Variants in ADCK1 observed in about 807,000 individuals in gnomAD.
ADCK1 encodes the protein aarF domain containing kinase 1.
ADCK1 carries 41 observed loss-of-function variants against 52.3 expected under a neutral mutation model. The observed-to-expected ratio is 0.78, with a 90% confidence interval of 0.61 to 1.02. The LOEUF (loss-of-function observed/expected upper bound fraction) is 1.02. ADCK1 is among the 50% of genes least tolerant of loss of function. The pLI is 0.00. For missense variants in ADCK1, 658 were observed against 679.5 expected, an observed-to-expected ratio of 0.97 and a Z score of 0.35; for synonymous variants, 250 against 274.6, an observed-to-expected ratio of 0.91 and a Z score of 0.89.
At position 77,931,542 on chromosome 14, in the gene ADCK1, G is replaced by A; in HGVS notation, c.1231G>A (p.Ala411Thr). Residue 411 changes from alanine (A) to threonine (T), a missense_variant, in exon 10 of 11, where the codon GCC becomes ACC. Physicochemically the swap from Ala to Thr is moderately conservative, Grantham distance 58 (BLOSUM62 0). Transcript: ENST00000238561. ...TEDLEIRNNAANYLPQISHLL... is the reference protein window; with the variant it reads ...TEDLEIRNNATNYLPQISHLL... The stretch of plus-strand genomic sequence containing the variant: ...GGACTTAGAGATTCGCAACAACGCG[G>A]CCAACTACCTCCCCCAGATCAGCCA... 1 of 1,613,722 alleles carries A rather than the reference G, an allele frequency of 6.2e-7. No homozygotes were observed. Among genetic ancestry groups the A allele is most frequent in the Non-Finnish European group, 8.5e-7 (1 of 1,179,808 alleles).
At chr14:77,810,452 T>G (rs1199156763) in intron 1 of ADCK1, among the ~76,000 whole-genome samples, 33 of 151,840 alleles carry the variant, frequency 2.2e-4, no homozygotes, top group Admixed American at 2.2e-3. Flanking sequence ...GTGGGTACTC[T>G]CAAGAGCTCC....
chr14:77,864,230 C>G (rs2082615007), intron 4 of ADCK1, among the ~76,000 whole-genome samples: 1 of 152,164 alleles, frequency 6.6e-6, no homozygotes, highest in Admixed American at 6.5e-5. Flanking sequence ...TAGAATAATT[C>G]ATATCCAGTT....
intron 7 of ADCK1, among the ~76,000 whole-genome samples, chr14:77,908,789 C>A (rs1046773330): frequency 2.6e-5 from 4 of 152,184 alleles, no homozygotes; most frequent in African/African-American, 9.7e-5. Flanking sequence ...GAGTCAGACA[C>A]ACATCTAAAT....
At chr14:77,932,450 A>G (rs573248617) in intron 10 of ADCK1, among the ~76,000 whole-genome samples, 38 of 152,156 alleles carry the variant, frequency 2.5e-4, no homozygotes, top group Non-Finnish European at 4.6e-4. Context: ...TTCAGGCTGT[A>G]TTACTGAGTG....
At chr14:77,893,937 T>C (rs866878001) in intron 5 of ADCK1, among the ~76,000 whole-genome samples, 2 of 152,256 alleles carry the variant, frequency 1.3e-5, no homozygotes, top group African/African-American at 4.8e-5. Flanking sequence ...TTTTGCCTTG[T>C]TGGCCAGGCT....
intron 3 of ADCK1, among the ~76,000 whole-genome samples, chr14:77,824,958 A>T (rs2081662065): frequency 7.2e-5 from 11 of 152,214 alleles, no homozygotes; most frequent in Admixed American, 7.2e-4. Flanking sequence ...TTTAATGGGA[A>T]ATACATTCAA....
At chr14:77,914,288 G>T in intron 7 of ADCK1, 2 of 441,138 alleles carry the variant, frequency 4.5e-6, no homozygotes, top group Non-Finnish European at 6.0e-6. Context: ...TTGTGGTGGG[G>T]TCTTTGCCTT....
intron 4 of ADCK1, among the ~76,000 whole-genome samples, chr14:77,878,315 C>T (rs2082943402): frequency 6.6e-6 from 1 of 152,238 alleles, no homozygotes; most frequent in Non-Finnish European, 1.5e-5. Flanking sequence ...ATAATCTCTC[C>T]TCTAACCTCA....
intron 4 of ADCK1, among the ~76,000 whole-genome samples, chr14:77,864,661 A>G (rs3082713): frequency 2.7e-5 from 3 of 109,434 alleles, no homozygotes; most frequent in Non-Finnish European, 4.0e-5. Context: ...GTGTGTGTGT[A>G]TGTGTGTTTG....
intron 10 of ADCK1, 58 bp downstream of exon 10, chr14:77,931,769 C>A: frequency 6.5e-7 from 1 of 1,541,598 alleles, no homozygotes; most frequent in South Asian, 1.2e-5. Context: ...CCCCAGGGGT[C>A]CTGCTTTTGC....
intron 3 of ADCK1, among the ~76,000 whole-genome samples, chr14:77,849,438 T>C (rs1461773496): frequency 1.3e-5 from 2 of 151,518 alleles, no homozygotes; most frequent in East Asian, 1.9e-4. Context: ...AACGGTGTTA[T>C]TTAGTTTTCT....
intron 8 of ADCK1, among the ~76,000 whole-genome samples, chr14:77,925,078 G>A (rs1163040010): frequency 1.2e-4 from 18 of 152,220 alleles, no homozygotes; most frequent in Non-Finnish European, 5.9e-5. Context: ...GGAGCCAGGA[G>A]CTCCTACTTG....
chr14:77,806,708 C>T (rs1217806434), intron 1 of ADCK1, among the ~76,000 whole-genome samples: 1 of 152,120 alleles, frequency 6.6e-6, no homozygotes, highest in African/African-American at 2.4e-5. Context: ...CCAGGTTATT[C>T]CCACCAAGAT....
intron 5 of ADCK1, 121 bp downstream of exon 5, chr14:77,887,370 A>G: frequency 8.6e-7 from 1 of 1,156,338 alleles, no homozygotes; most frequent in Non-Finnish European, 1.2e-6. Flanking sequence ...CAGCAGAGGG[A>G]GAGGAGAGCT....
In ADCK1 at chr14:77,933,304, C is replaced by T; in HGVS notation, c.1485C>T (p.Leu495=). 1 of 1,614,192 alleles carries T rather than the reference C, an allele frequency of 6.2e-7. No individual in the cohort carries two copies. The highest frequency in any genetic ancestry group is 8.5e-7 in the Non-Finnish European group (1 of 1,180,034). The change falls in exon 11 of 11, where the codon CTC becomes CTT. Residue 495 remains leucine, a synonymous_variant. Coordinates refer to ENST00000238561, the MANE Select transcript of ADCK1 (RefSeq NM_020421.4). ...CCTTCAACTTATGGCAGATCAACCT[C>T]CATGAGCTCATCCTGCGTGTGAAGG... ...SEAFNLWQIN[L]HELILRVKGL...
At chr14:77,876,477 G>A (rs1210010455) in intron 4 of ADCK1, among the ~76,000 whole-genome samples, 1 of 152,204 alleles carries the variant, frequency 6.6e-6, no homozygotes, top group Non-Finnish European at 1.5e-5. Context: ...CACCTGCAAA[G>A]TATCTTTTGC....
chr14:77,858,966 G>A (rs1035704518), intron 3 of ADCK1, 110 bp from the exon 4 acceptor site: 6 of 1,014,884 alleles, frequency 5.9e-6, no homozygotes, highest in Non-Finnish European at 8.6e-6. Flanking sequence ...ATCTGCCCTG[G>A]GCATTGTGGG....
chr14:77,891,872 GTACTTGAAGTGAA>G (rs2083291019), intron 5 of ADCK1, among the ~76,000 whole-genome samples: 2 of 152,184 alleles, frequency 1.3e-5, no homozygotes, highest in Admixed American at 1.3e-4. Flanking sequence ...TGGAAAGCTC[GTACTTGAAGTGAA>G]TATTTTGTTT....
intron 1 of ADCK1, among the ~76,000 whole-genome samples, chr14:77,812,279 G>A (rs969046680): frequency 9.9e-5 from 15 of 152,038 alleles, no homozygotes; most frequent in African/African-American, 3.1e-4. Context: ...GACCAATATC[G>A]CCTAATTTCC....
Sources: gnomAD v4.1 joint callset for allele counts (sites outside exome capture counted in the v4.1 genomes callset) on GRCh38, gnomAD v4.1.1 for gene constraint, MANE v1.5 for transcripts, NCBI Gene and HGNC (gene_info 2026-07-23, HGNC 2026-07-21) for gene names.